Variants in ZBTB16 observed in about 807,000 individuals in gnomAD.
ZBTB16 encodes zinc finger and BTB domain containing 16.
Under a neutral mutation model 56.8 loss-of-function variants are expected in ZBTB16, and 8 were observed. That is an observed-to-expected ratio of 0.14 (90% confidence interval 0.08 to 0.25). The LOEUF (loss-of-function observed/expected upper bound fraction) is 0.25. Ranked by LOEUF, ZBTB16 falls within the 10% of genes least tolerant of loss-of-function variation. The probability of loss-of-function intolerance (pLI) is 1.00; values close to 1 mark genes in which losing one functional copy is unlikely to be tolerated. For synonymous variants in ZBTB16, 363 were observed against 368.5 expected (o/e 0.98, Z 0.17); for missense variants, 625 against 903.0 (o/e 0.69, Z 3.95).
At chr11:114,156,596 A>G (rs1942418803) in intron 3 of ZBTB16, among the ~76,000 whole-genome samples, 162 bp downstream of exon 3, 1 of 152,140 alleles carries the variant, frequency 6.6e-6, no homozygotes, top group Non-Finnish European at 1.5e-5. Context: ...ATGACACAGA[A>G]GATCCATCCT....
chr11:114,129,077 G>A (rs1004653734), intron 2 of ZBTB16, among the ~76,000 whole-genome samples: 2 of 152,212 alleles, frequency 1.3e-5, no homozygotes, highest in East Asian at 1.9e-4. Flanking sequence ...GGGTGGGGGC[G>A]TGTGGTAGCC....
chr11:114,213,592 T>C (rs1944038194), intron 4 of ZBTB16, among the ~76,000 whole-genome samples: 1 of 152,252 alleles, frequency 6.6e-6, no homozygotes, highest in East Asian at 1.9e-4. Context: ...GTGCCAGTGC[T>C]TACCTCAGAC....
intron 4 of ZBTB16, chr11:114,210,932 T>G (rs554513390): frequency 5.3e-6 from 1 of 187,498 alleles, no homozygotes; most frequent in East Asian, 8.5e-5. Context: ...TTTTGTTTTG[T>G]TTTAAAGATG....
intron 2 of ZBTB16, among the ~76,000 whole-genome samples, chr11:114,148,398 TC>T (rs1565651686): frequency 4.2e-5 from 1 of 23,848 alleles, no homozygotes; most frequent in African/African-American, 2.6e-4. Flanking sequence ...CCTCCTTCCC[TC>T]CCTCCCTCCC....
chr11:114,171,444 G>A (rs1942965460), intron 3 of ZBTB16, among the ~76,000 whole-genome samples: 1 of 152,208 alleles, frequency 6.6e-6, no homozygotes, highest in Admixed American at 6.5e-5. Flanking sequence ...TTTGGACGGG[G>A]CCCTGGGGCC....
intron 3 of ZBTB16, among the ~76,000 whole-genome samples, chr11:114,161,709 G>T (rs2134976559): frequency 6.6e-6 from 1 of 152,316 alleles, no homozygotes; most frequent in South Asian, 2.1e-4. Context: ...TCTGTGGAAG[G>T]AATAGCAAAA....
intron 4 of ZBTB16, among the ~76,000 whole-genome samples, chr11:114,233,032 T>G (rs1295742654): frequency 8.1e-6 from 1 of 122,878 alleles, no homozygotes; most frequent in African/African-American, 3.1e-5. Flanking sequence ...CCCCAACTCA[T>G]CCCCGGCCCC....
chr11:114,149,448 C>T (rs1310932500), intron 2 of ZBTB16, among the ~76,000 whole-genome samples: 3 of 152,192 alleles, frequency 2.0e-5, no homozygotes, highest in African/African-American at 7.2e-5. Context: ...AGCAGAGAGG[C>T]ACCTGCTGTG....
chr11:114,183,916 T>C (rs944790489), intron 3 of ZBTB16, among the ~76,000 whole-genome samples: 13 of 152,230 alleles, frequency 8.5e-5, no homozygotes, highest in African/African-American at 3.1e-4. Context: ...TTTTCTTGGC[T>C]CTTTCTTCAA....
At chr11:114,080,414 G>T (rs901057228) in intron 2 of ZBTB16, among the ~76,000 whole-genome samples, 1 of 152,048 alleles carries the variant, frequency 6.6e-6, no homozygotes, top group East Asian at 1.9e-4. Context: ...GCCTTGTGCT[G>T]AGCTGCACAT....
At chr11:114,230,373 T>C (rs1944414292) in intron 4 of ZBTB16, among the ~76,000 whole-genome samples, 1 of 152,158 alleles carries the variant, frequency 6.6e-6, no homozygotes, top group Non-Finnish European at 1.5e-5. Context: ...ATTCTTGGTA[T>C]CTATGTATGC....
At chr11:114,062,346 G>A (rs529854633) in intron 1 of ZBTB16, among the ~76,000 whole-genome samples, 65 of 151,692 alleles carry the variant, frequency 4.3e-4, no homozygotes, top group African/African-American at 1.5e-3. Flanking sequence ...CAGGTGATCC[G>A]CCTGCCTGGG....
At chr11:114,083,522 C>T (rs989033510) in intron 2 of ZBTB16, among the ~76,000 whole-genome samples, 6 of 152,124 alleles carry the variant, frequency 3.9e-5, no homozygotes, top group African/African-American at 1.2e-4. Context: ...CTCCAAGCTT[C>T]CTCAGCCACC....
At chr11:114,070,400 G>A (rs908843330) in intron 2 of ZBTB16, among the ~76,000 whole-genome samples, 15 of 152,254 alleles carry the variant, frequency 9.9e-5, no homozygotes, top group Admixed American at 5.9e-4. Context: ...GAGCCACCGC[G>A]CCCGGCCCAG....
intron 2 of ZBTB16, among the ~76,000 whole-genome samples, chr11:114,100,891 C>T (rs1940582866): frequency 6.6e-6 from 1 of 151,902 alleles, no homozygotes; most frequent in South Asian, 2.1e-4. Context: ...CTAGACAGCC[C>T]CTAGTATGGT....
At chr11:114,149,223 C>T (rs1942223921) in intron 2 of ZBTB16, among the ~76,000 whole-genome samples, 1 of 152,096 alleles carries the variant, frequency 6.6e-6, no homozygotes, top group African/African-American at 2.4e-5. Flanking sequence ...AGTAGTTTGG[C>T]CAAGGTTATT....
chr11:114,099,113 C>T (rs988182750), intron 2 of ZBTB16, among the ~76,000 whole-genome samples: 1 of 152,160 alleles, frequency 6.6e-6, no homozygotes, highest in Admixed American at 6.5e-5. Flanking sequence ...TGACACCTGC[C>T]TCTAGAACAG....
intron 4 of ZBTB16, among the ~76,000 whole-genome samples, chr11:114,222,017 C>T (rs774677152): frequency 2.0e-4 from 30 of 152,078 alleles, no homozygotes; most frequent in African/African-American, 6.8e-4. Flanking sequence ...GCTCTGCTGT[C>T]GCCTGCAGAG....
chr11:114,233,075 GCGCGCGCACACACACA>G lies in ZBTB16; in HGVS notation c.1454-9090_1454-9075del, dbSNP rs1275478424. ...CTACTGCACATACGCATGCGCGCGCGCGCGCGCACACACACACACACACACACACACACACACACAC... is the reference window on the plus strand; with the variant it reads ...CTACTGCACATACGCATGCGCGCGCGCACACACACACACACACACACACAC... On this transcript the variant is annotated intron_variant, in intron 4 of 6. Coordinates refer to ENST00000335953, the MANE Select transcript of ZBTB16 (RefSeq NM_006006.6). Among the ~76,000 whole-genome samples the G allele has an allele frequency of 1.4e-3, 49 of 35,722 alleles. 1 individual carries two copies. The South Asian group carries it at 0.049, about 36-fold the overall frequency. 23.4% of individuals were successfully genotyped at this position (35,722 alleles called of 152,430 possible). A position where few individuals can be genotyped will look rare whatever the true frequency, so the allele number is the denominator to read the frequency against.
Sources: gnomAD v4.1 joint callset for allele counts (sites outside exome capture counted in the v4.1 genomes callset) on GRCh38, gnomAD v4.1.1 for gene constraint, MANE v1.5 for transcripts, NCBI Gene and HGNC (gene_info 2026-07-23, HGNC 2026-07-21) for gene names.